The following RIPPLY3 variants were observed in gnomAD, a reference collection of about 807,000 sequenced individuals.
RIPPLY3 encodes protein ripply3.
A neutral mutation model predicts 11.9 loss-of-function variants in RIPPLY3; 8 were observed. That is an observed-to-expected ratio of 0.67 (90% CI 0.40 to 1.21). The LOEUF (loss-of-function observed/expected upper bound fraction) is 1.21. Ranked by LOEUF, RIPPLY3 falls within the 50% of genes most tolerant of loss-of-function variation. The probability of loss-of-function intolerance (pLI) is 0.01; values close to 1 mark genes in which losing one functional copy is unlikely to be tolerated. For synonymous variants in RIPPLY3, 102 were observed against 99.0 expected, an observed-to-expected ratio of 1.03 and a Z score of -0.18; for missense variants, 271 against 246.0, an observed-to-expected ratio of 1.10 and a Z score of -0.68.
In RIPPLY3 at chr21:37,008,238, G is replaced by A. The variant is rs1429422704; in HGVS notation, c.171+15G>A. ...CTGGAAGGCCGGTAAGGTTCAGTGC[G>A]GGCGTTGTAGGTAACCCTTCCAGCC... On this transcript the variant is annotated intron_variant, in intron 2 of 3. Coordinates refer to ENST00000329553, the MANE Select transcript of RIPPLY3 (RefSeq NM_018962.3). 1.2e-6 allele frequency: 2 copies of A among 1,613,344 alleles called. No homozygotes were observed. Among genetic ancestry groups the A allele is most frequent in the Non-Finnish European group, 1.7e-6 (2 of 1,179,592 alleles).
Position 37,018,213 on chromosome 21 carries a change from T to C in RIPPLY3, c.*6T>C. 6.2e-7 allele frequency: 1 copy of C among 1,610,262 alleles called. No individual in the cohort carries two copies. Among genetic ancestry groups the C allele is most frequent in the Non-Finnish European group, 8.5e-7 (1 of 1,176,892 alleles). ...AGTGCTCCTCATCCAAATGAATCAG[T>C]CTCTGTCTCCTGGGCCCTGCTCTGG... is the stretch of plus-strand genomic sequence containing the variant. On this transcript the variant is annotated 3_prime_UTR_variant, in exon 4 of 4. Transcript: ENST00000329553.
Position 37,008,195 on chromosome 21 carries a change from A to C in RIPPLY3, c.143A>C (p.Asp48Ala). ...CGACCTTGGATCCAGACACCTGGAG[A>C]TGCTGAGCTGACCAGAACTGGAAGG... ...PWRPWIQTPG[D>A]AELTRTGRPL... The change falls in exon 2 of 4, where the codon GAT (aspartate) becomes GCT (alanine). Residue 48 changes from aspartate (D) to alanine (A), a missense_variant. Asp to Ala is a moderately radical substitution (Grantham distance 126). Transcript: ENST00000329553. The C allele has an allele frequency of 6.2e-7, 1 of 1,614,074 alleles. No individual in the cohort carries two copies. Among genetic ancestry groups the C allele is most frequent in the Non-Finnish European group, 8.5e-7 (1 of 1,179,994 alleles).
At chr21:37,006,435 C>G (rs1402573437), upstream of RIPPLY3, 3 of 217,826 alleles carry the variant, frequency 1.4e-5, no homozygotes, top group Non-Finnish European at 2.7e-5. This position sits in a 1 kb window ranked among gnomAD's most constrained non-coding sequence, Gnocchi z 5.2. Flanking sequence ...TGTCCCGTCC[C>G]CACCCTTGCC....
At chr21:37,011,283 C>T (rs1213520049) in intron 2 of RIPPLY3, among the ~76,000 whole-genome samples, 1 of 152,212 alleles carries the variant, frequency 6.6e-6, no homozygotes, top group Non-Finnish European at 1.5e-5. Context: ...CTGGTAATTA[C>T]GGGCGTGAGC....
chr21:37,010,001 A>T (rs1240499418), intron 2 of RIPPLY3, among the ~76,000 whole-genome samples: 1 of 152,192 alleles, frequency 6.6e-6, no homozygotes, highest in Non-Finnish European at 1.5e-5. Flanking sequence ...CCTGCAGTCC[A>T]CCGACGAGAG....
chr21:37,013,310 G>T (rs2069545429), intron 2 of RIPPLY3, among the ~76,000 whole-genome samples: 1 of 152,166 alleles, frequency 6.6e-6, no homozygotes, highest in South Asian at 2.1e-4. Flanking sequence ...ATTGTAAAAT[G>T]CTGGACTGAG....
At chr21:37,013,203 C>G (rs940685409) in intron 2 of RIPPLY3, among the ~76,000 whole-genome samples, 1 of 152,198 alleles carries the variant, frequency 6.6e-6, no homozygotes, top group East Asian at 1.9e-4. Context: ...TTCATGAACC[C>G]GTTCCTGACC....
At chr21:37,008,789 G>C (rs570829622) in intron 2 of RIPPLY3, among the ~76,000 whole-genome samples, 1 of 147,690 alleles carries the variant, frequency 6.8e-6, no homozygotes, top group South Asian at 2.1e-4. Context: ...AACCGTAGTC[G>C]TTTCATGGGA....
intron 2 of RIPPLY3, 141 bp downstream of exon 2, chr21:37,008,364 G>T (rs949139212): frequency 2.0e-5 from 15 of 737,296 alleles, no homozygotes; most frequent in Non-Finnish European, 2.4e-5. Flanking sequence ...GGGTCTGGGA[G>T]TTGGAACCTG....
At position 37,017,932 on chromosome 21, in the gene RIPPLY3, C is replaced by G. The variant is rs751432089; in HGVS notation, c.298C>G (p.Leu100Val). ...CCTGCGGAGTTCCGGGGAGCAAGTA[C>G]TGGCCAGTTTCCCAGTGCAAGCCAC... is the stretch of plus-strand genomic sequence containing the variant. ...EYLRSSGEQV[L>V]ASFPVQATID... The change falls in exon 4 of 4, where the codon CTG becomes GTG. Residue 100 changes from leucine to valine, a missense_variant. By Grantham distance (32) the Leu-to-Val change is conservative. Coordinates refer to ENST00000329553, the MANE Select transcript of RIPPLY3 (RefSeq NM_018962.3). The G allele has an allele frequency of 1.2e-6, 2 of 1,614,186 alleles. No homozygotes were observed. Among genetic ancestry groups the G allele is most frequent in the South Asian group, 2.2e-5 (2 of 91,084 alleles).
chr21:37,009,268 A>C (rs1296741724), intron 2 of RIPPLY3, among the ~76,000 whole-genome samples: 4 of 151,946 alleles, frequency 2.6e-5, no homozygotes, highest in Non-Finnish European at 5.9e-5. Context: ...AAAACACTGA[A>C]GAATTAGGCT....
chr21:37,009,389 T>A (rs1311538270), intron 2 of RIPPLY3, among the ~76,000 whole-genome samples: 3 of 152,206 alleles, frequency 2.0e-5, no homozygotes, highest in Admixed American at 6.5e-5. Flanking sequence ...TTCACCGTAT[T>A]TTGATATTTA....
intron 1 of RIPPLY3, among the ~76,000 whole-genome samples, chr21:37,007,400 CTTTTTT>C (rs895853940): frequency 3.5e-4 from 30 of 86,286 alleles, no homozygotes; most frequent in East Asian, 2.9e-3. Context: ...AAGATTCCCT[CTTTTTT>C]TTTTTTTTTT....
At position 37,014,114 on chromosome 21, in the gene RIPPLY3, G is replaced by A. The variant is rs540738055; in HGVS notation, c.239+496G>A. Reference sequence around the variant, plus strand: ...GTGGATCACCTGAGGTCAGGAGTTCGAGACCAGCCTGACCAACATGGTGAA... The same window carrying A: ...GTGGATCACCTGAGGTCAGGAGTTCAAGACCAGCCTGACCAACATGGTGAA... On this transcript the variant is annotated intron_variant, in intron 3 of 3. Coordinates refer to ENST00000329553, the MANE Select transcript of RIPPLY3 (RefSeq NM_018962.3). Among the ~76,000 whole-genome samples, 7 of 152,122 alleles carry A rather than the reference G, an allele frequency of 4.6e-5. No individual in the cohort carries two copies. In the East Asian group the frequency reaches 1.2e-3, roughly 25 times the overall value.
In RIPPLY3 at chr21:37,019,044, T is replaced by A; in HGVS notation, c.*837T>A. ...AAATTTTTTTAACCCGCCGAATAAT[T>A]CCCATAAGAGTAACAAAAAGGACCA... On this transcript the variant is annotated 3_prime_UTR_variant, in exon 4 of 4. Transcript: ENST00000329553. 1 of 151,250 alleles carries A rather than the reference T, an allele frequency of 6.6e-6. No homozygotes were observed. Among genetic ancestry groups the A allele is most frequent in the African/African-American group, 2.4e-5 (1 of 41,174 alleles). The allele number at this position is 151,250 out of a possible 1,614,324, so 9.4% of individuals were successfully genotyped here.
intron 2 of RIPPLY3, among the ~76,000 whole-genome samples, chr21:37,011,952 A>T (rs1370228706): frequency 2.0e-5 from 3 of 149,764 alleles, no homozygotes; most frequent in Non-Finnish European, 4.4e-5. Flanking sequence ...AAAAAAAAAA[A>T]AAAAAATGGC....
intron 2 of RIPPLY3, among the ~76,000 whole-genome samples, chr21:37,012,069 G>GGC (rs2069528362): frequency 6.6e-6 from 1 of 151,652 alleles, no homozygotes. Flanking sequence ...AGGATGGAAT[G>GGC]GCGTGGAGAT....
At chr21:37,011,448 C>T (rs1057305249) in intron 2 of RIPPLY3, among the ~76,000 whole-genome samples, 5 of 152,338 alleles carry the variant, frequency 3.3e-5, no homozygotes, top group African/African-American at 1.2e-4. Context: ...CTGCCACTGC[C>T]GAGTTAGGCC....
chr21:37,008,938 A>G (rs912662847), intron 2 of RIPPLY3, among the ~76,000 whole-genome samples: 8 of 152,000 alleles, frequency 5.3e-5, no homozygotes, highest in African/African-American at 1.7e-4. Flanking sequence ...CACAGAGCAA[A>G]TAGGACTGAG....
Sources: gnomAD v4.1 joint callset for allele counts (sites outside exome capture counted in the v4.1 genomes callset) on GRCh38, gnomAD v4.1.1 for gene constraint, Gnocchi (gnomAD v3.1) non-coding constraint, MANE v1.5 for transcripts, NCBI Gene and HGNC (gene_info 2026-07-23, HGNC 2026-07-21) for gene names.